ZNF618: variants seen among roughly 807,000 people sequenced by gnomAD.
The protein encoded by ZNF618 is zinc finger protein 618, also known as neural precursor cell expressed, developmentally down-regulated 10.
A neutral mutation model predicts 103.0 loss-of-function variants in ZNF618; 34 were observed. That is an observed-to-expected ratio of 0.33 (90% confidence interval 0.25 to 0.44). The LOEUF (loss-of-function observed/expected upper bound fraction) is 0.44. ZNF618 is among the 20% of genes least tolerant of loss of function. The probability of loss-of-function intolerance (pLI) is 1.00; values close to 1 mark genes in which losing one functional copy is unlikely to be tolerated. For synonymous variants in ZNF618, 551 were observed against 542.2 expected (o/e 1.02, Z -0.23); for missense variants, 1,059 against 1,295.4 (o/e 0.82, Z 2.80).
intron 1 of ZNF618, among the ~76,000 whole-genome samples, chr9:113,887,367 A>G (rs1240067503): frequency 2.0e-5 from 3 of 152,222 alleles, no homozygotes; most frequent in Admixed American, 2.0e-4. Flanking sequence ...GAACACTTTG[A>G]AAGAAAGCAA....
At chr9:114,024,604 C>G (rs1160929348) in intron 10 of ZNF618, among the ~76,000 whole-genome samples, 2 of 152,226 alleles carry the variant, frequency 1.3e-5, no homozygotes, top group Non-Finnish European at 2.9e-5. Context: ...AAGGCATGGC[C>G]TTTCTGGCCG....
Position 114,008,497 on chromosome 9 carries a change from G to A in ZNF618, c.697G>A (p.Val233Met), listed in dbSNP as rs368206229. The A allele has an allele frequency of 3.3e-4, 529 of 1,613,962 alleles. 10 individuals are homozygous for A. In the South Asian group the frequency reaches 4.2e-3, roughly 13 times the overall value. The change falls in exon 9 of 15, where the codon GTG becomes ATG. Residue 233 changes from valine to methionine, a missense_variant. This residue lies in a region of ZNF618 where 434 missense variants were observed against 476.0 expected (regional missense o/e 0.91). Coordinates refer to ENST00000374126, the MANE Select transcript of ZNF618 (RefSeq NM_001318042.2). ...NRADPFDQGV[V>M]ATDEVKEEPP... ...CACAGACCCCTTCGACCAAGGTGTC[G>A]TGGCCACGGACGAGGTGAAGGAGGA... is the stretch of plus-strand genomic sequence containing the variant.
At chr9:113,877,951 A>T (rs1390186995) in intron 1 of ZNF618, among the ~76,000 whole-genome samples, 1 of 152,166 alleles carries the variant, frequency 6.6e-6, no homozygotes, top group African/African-American at 2.4e-5. Flanking sequence ...GAATCAATTG[A>T]TGAAGACAAG....
intron 6 of ZNF618, among the ~76,000 whole-genome samples, chr9:114,003,642 C>T (rs1285296281): frequency 6.6e-6 from 1 of 152,204 alleles, no homozygotes; most frequent in African/African-American, 2.4e-5. Flanking sequence ...AGAGAAAGGG[C>T]AAAAGCAGCT....
intron 6 of ZNF618, 148 bp downstream of exon 6, chr9:114,002,810 CT>C (rs1841372937): frequency 1.2e-6 from 1 of 840,066 alleles, no homozygotes; most frequent in South Asian, 2.0e-5. Context: ...CCAGACCATC[CT>C]TACAAAACCG....
intron 1 of ZNF618, among the ~76,000 whole-genome samples, chr9:113,964,813 G>T (rs1395191391): frequency 1.5e-5 from 2 of 130,418 alleles, no homozygotes; most frequent in Non-Finnish European, 3.1e-5. Context: ...CCGTACCAGT[G>T]CACTAAATGT....
At chr9:114,029,302 T>C (rs927654324) in intron 11 of ZNF618, among the ~76,000 whole-genome samples, 1 of 152,240 alleles carries the variant, frequency 6.6e-6, no homozygotes, top group African/African-American at 2.4e-5. Flanking sequence ...TTAAAAAATT[T>C]TTTAGTTAAT....
intron 1 of ZNF618, among the ~76,000 whole-genome samples, chr9:113,937,629 A>G (rs1032246786): frequency 2.6e-5 from 4 of 152,158 alleles, no homozygotes; most frequent in African/African-American, 4.8e-5. Context: ...CTGTCCCTCA[A>G]TTTGGGTCTC....
At position 114,054,128 on chromosome 9, in the gene ZNF618, C is replaced by T. The variant is rs571892285; in HGVS notation, c.*3961C>T. On this transcript the variant is annotated 3_prime_UTR_variant, in exon 15 of 15. Transcript: ENST00000374126. ...AACACCAGAGAAAAAATCTACAAGG[C>T]GTGTTTCCACTGAAGCTGAACCTCT... 8 of 152,716 alleles carry T rather than the reference C, an allele frequency of 5.2e-5. No homozygotes were observed. The East Asian group carries it at 5.8e-4, about 11-fold the overall frequency. 9.5% of individuals were successfully genotyped at this position (152,716 alleles called of 1,614,324 possible). A position where few individuals can be genotyped will look rare whatever the true frequency, so the allele number is the denominator to read the frequency against.
chr9:113,961,219 CT>C (rs1314588039), intron 1 of ZNF618, among the ~76,000 whole-genome samples: 3 of 152,190 alleles, frequency 2.0e-5, no homozygotes, highest in Non-Finnish European at 2.9e-5. Flanking sequence ...GGAACCCAGA[CT>C]TTTCCCTTCA....
At chr9:113,934,638 C>T (rs1833882728) in intron 1 of ZNF618, among the ~76,000 whole-genome samples, 1 of 152,158 alleles carries the variant, frequency 6.6e-6, no homozygotes, top group African/African-American at 2.4e-5. Flanking sequence ...AATATAGCCT[C>T]CCAAGGGCAC....
At chr9:114,037,469 T>C (rs1439808249) in intron 13 of ZNF618, among the ~76,000 whole-genome samples, 3 of 152,128 alleles carry the variant, frequency 2.0e-5, no homozygotes, top group Non-Finnish European at 2.9e-5. Flanking sequence ...CCCGGGACAG[T>C]TGGCCACTCT....
At chr9:113,982,125 T>C (rs2133150154) in intron 2 of ZNF618, among the ~76,000 whole-genome samples, 1 of 152,316 alleles carries the variant, frequency 6.6e-6, no homozygotes, top group African/African-American at 2.4e-5. Flanking sequence ...AAACCAAAGG[T>C]AGTGGAAGAT....
At chr9:113,912,249 G>C (rs1456551827) in intron 1 of ZNF618, among the ~76,000 whole-genome samples, 3 of 152,192 alleles carry the variant, frequency 2.0e-5, no homozygotes, top group Non-Finnish European at 2.9e-5. Flanking sequence ...TGCTGCCCCT[G>C]TCCCCTGAGA....
intron 11 of ZNF618, among the ~76,000 whole-genome samples, chr9:114,030,033 G>A (rs576055401): frequency 1.3e-5 from 2 of 152,270 alleles, no homozygotes; most frequent in African/African-American, 2.4e-5. Context: ...CCCTTCAGTT[G>A]TCCTCAGGAG....
At position 114,052,384 on chromosome 9, in the gene ZNF618, T is replaced by C. The variant is rs2134750593; in HGVS notation, c.*2217T>C. 1 of 152,676 alleles carries C rather than the reference T, an allele frequency of 6.5e-6. No homozygotes were observed. Among genetic ancestry groups the C allele is most frequent in the Admixed American group, 6.5e-5 (1 of 15,300 alleles). 9.5% of individuals were successfully genotyped at this position (152,676 alleles called of 1,614,324 possible). A position where few individuals can be genotyped will look rare whatever the true frequency, so the allele number is the denominator to read the frequency against. ...AGTTCTAGGTATTACCTCCACAACATTTCCAACTGGGGGACTGAGCCCACT... is the reference window on the plus strand; with the variant it reads ...AGTTCTAGGTATTACCTCCACAACACTTCCAACTGGGGGACTGAGCCCACT... On this transcript the variant is annotated 3_prime_UTR_variant, in exon 15 of 15. Transcript: ENST00000374126.
intron 1 of ZNF618, among the ~76,000 whole-genome samples, chr9:113,915,765 A>T (rs1366889152): frequency 6.6e-6 from 1 of 152,054 alleles, no homozygotes; most frequent in African/African-American, 2.4e-5. Flanking sequence ...GGATGGACAG[A>T]TAGACAGACA....
intron 1 of ZNF618, among the ~76,000 whole-genome samples, chr9:113,896,168 A>G (rs539836213): frequency 3.9e-5 from 6 of 151,992 alleles, no homozygotes; most frequent in African/African-American, 7.2e-5. Context: ...TGTCAATTCT[A>G]ACTACTTCCA....
intron 1 of ZNF618, among the ~76,000 whole-genome samples, chr9:113,883,564 G>T (rs368289540): frequency 6.6e-6 from 1 of 152,236 alleles, no homozygotes; most frequent in Admixed American, 6.5e-5. Context: ...CCCCATTTTT[G>T]GTTGAATTTT....
Sources: gnomAD v4.1 joint callset for allele counts (sites outside exome capture counted in the v4.1 genomes callset) on GRCh38, gnomAD v4.1.1 for gene constraint, gnomAD v4.1.1 regional missense constraint, MANE v1.5 for transcripts, NCBI Gene and HGNC (gene_info 2026-07-23, HGNC 2026-07-21) for gene names.